The following GRIN2A variants were observed in gnomAD, a reference collection of about 807,000 sequenced individuals.
The protein encoded by GRIN2A is glutamate ionotropic receptor NMDA type subunit 2A.
In GRIN2A, 22 loss-of-function variants were observed where a neutral mutation model predicts 113.4. That is an observed-to-expected ratio of 0.19 (90% confidence interval 0.14 to 0.28). The LOEUF is 0.28. Among genes scored for constraint, GRIN2A ranks in the 10% least tolerant of loss-of-function variants. The pLI is 1.00. For synonymous variants in GRIN2A, 827 were observed against 738.4 expected (o/e 1.12, Z -1.94); for missense variants, 1,502 against 1,887.0 (o/e 0.80, Z 3.78).
intron 2 of GRIN2A, among the ~76,000 whole-genome samples, chr16:10,038,138 T>C (rs1277536951): frequency 6.6e-6 from 1 of 152,180 alleles, no homozygotes; most frequent in African/African-American, 2.4e-5. Flanking sequence ...GGTGCCAGCA[T>C]ATTCGGTGTC....
Position 10,075,529 on chromosome 16 carries a change from T to G in GRIN2A, c.414+104469A>C, listed in dbSNP as rs533391490. On this transcript the variant is annotated intron_variant, in intron 2 of 12. Coordinates refer to ENST00000330684, the MANE Select transcript of GRIN2A (RefSeq NM_001134407.3). The stretch of plus-strand genomic sequence containing the variant: ...TTCTGGAGATGGATACTGATGATGA[T>G]TGCACAACAATGTGAATGTACTTAA... 2.0e-5 allele frequency among the ~76,000 whole-genome samples: 3 copies of G among 152,136 alleles called. No homozygotes were observed. In the East Asian group the frequency reaches 5.8e-4, roughly 29 times the overall value.
chr16:10,106,176 T>C (rs1208936555), intron 2 of GRIN2A, among the ~76,000 whole-genome samples: 6 of 147,830 alleles, frequency 4.1e-5, no homozygotes, highest in African/African-American at 1.5e-4. Flanking sequence ...ACCATTCTTA[T>C]AAGTGAAAGA....
intron 2 of GRIN2A, among the ~76,000 whole-genome samples, chr16:10,092,861 CTTTTTTT>C (rs33949885): frequency 7.0e-6 from 1 of 142,520 alleles, no homozygotes; most frequent in East Asian, 2.0e-4. Context: ...TGAAAAGTTG[CTTTTTTT>C]TTTTTTTTTT....
At chr16:10,018,852 G>T (rs1004564564) in intron 2 of GRIN2A, among the ~76,000 whole-genome samples, 1 of 152,154 alleles carries the variant, frequency 6.6e-6, no homozygotes, top group Non-Finnish European at 1.5e-5. Context: ...ATTGTCATAA[G>T]CAAGAATGCC....
At chr16:10,146,098 G>A (rs1330894459) in intron 2 of GRIN2A, among the ~76,000 whole-genome samples, 1 of 152,124 alleles carries the variant, frequency 6.6e-6, no homozygotes, top group Non-Finnish European at 1.5e-5. Flanking sequence ...GAGCACGGAT[G>A]CATATCCACT....
At chr16:10,158,411 C>T (rs570882644) in intron 2 of GRIN2A, among the ~76,000 whole-genome samples, 7 of 152,314 alleles carry the variant, frequency 4.6e-5, no homozygotes, top group African/African-American at 1.7e-4. Context: ...AGCAGTTTCA[C>T]TCTTGGGTAT....
chr16:9,967,221 A>T (rs545433311), intron 2 of GRIN2A, among the ~76,000 whole-genome samples: 1 of 152,244 alleles, frequency 6.6e-6, no homozygotes, highest in Non-Finnish European at 1.5e-5. Flanking sequence ...TGAGTGGATC[A>T]AGAAAATGTG....
chr16:10,095,896 G>T (rs983164525), intron 2 of GRIN2A, among the ~76,000 whole-genome samples: 1 of 152,066 alleles, frequency 6.6e-6, no homozygotes, highest in African/African-American at 2.4e-5. Flanking sequence ...AAGAAATAGG[G>T]CAAAATGTAA....
At chr16:10,044,022 T>TATATATATATATATATAGAG (rs531659457) in intron 2 of GRIN2A, among the ~76,000 whole-genome samples, 13 of 107,988 alleles carry the variant, frequency 1.2e-4, no homozygotes, top group Non-Finnish European at 2.3e-4. Context: ...TATATATATA[T>TATATATATATATATATAGAG]AGAGAGAGAG....
intron 2 of GRIN2A, among the ~76,000 whole-genome samples, chr16:9,982,506 T>G (rs77819807): frequency 0.011 from 1,649 of 152,334 alleles, 39 homozygotes; most frequent in African/African-American, 0.037. Context: ...GAGGAAGAAC[T>G]GATACAAGAA....
At chr16:9,987,398 G>A (rs926103351) in intron 2 of GRIN2A, among the ~76,000 whole-genome samples, 1 of 152,170 alleles carries the variant, frequency 6.6e-6, no homozygotes, top group Non-Finnish European at 1.5e-5. Flanking sequence ...CTAGAATAAT[G>A]TTGTTTTCTT....
chr16:10,179,989 C>T lies in GRIN2A; in HGVS notation c.414+9G>A, dbSNP rs755529184. The T allele has an allele frequency of 1.2e-6, 2 of 1,613,000 alleles. No homozygotes were observed. Among genetic ancestry groups the T allele is most frequent in the Non-Finnish European group, 1.7e-6 (2 of 1,179,178 alleles). On this transcript the variant is annotated intron_variant, in intron 2 of 12. Transcript: ENST00000330684. Reference sequence around the variant, plus strand: ...CAGGTCCTGGCAGGGCATCAGTTTCCGGCCTTACCTTGTCAGCCATGATCA... The same window carrying T: ...CAGGTCCTGGCAGGGCATCAGTTTCTGGCCTTACCTTGTCAGCCATGATCA...
At chr16:9,870,105 C>T (rs2043230507) in intron 4 of GRIN2A, among the ~76,000 whole-genome samples, 1 of 152,144 alleles carries the variant, frequency 6.6e-6, no homozygotes, top group East Asian at 1.9e-4. Flanking sequence ...AAAATATCAT[C>T]TGTTAATATA....
At chr16:10,037,861 C>T (rs2047063847) in intron 2 of GRIN2A, among the ~76,000 whole-genome samples, 1 of 152,154 alleles carries the variant, frequency 6.6e-6, no homozygotes. Flanking sequence ...TCAAGCAATC[C>T]TCTTGTCTCA....
intron 2 of GRIN2A, among the ~76,000 whole-genome samples, chr16:9,989,219 C>T (rs1304822571): frequency 6.6e-6 from 1 of 152,046 alleles, no homozygotes; most frequent in South Asian, 2.1e-4. Context: ...AGAATACAGA[C>T]CCCCTAAAAT....
At chr16:9,819,434 T>C (rs1244426188) in intron 10 of GRIN2A, among the ~76,000 whole-genome samples, 2 of 151,668 alleles carry the variant, frequency 1.3e-5, no homozygotes, top group Non-Finnish European at 2.9e-5. Flanking sequence ...GGTGGGATGA[T>C]TACCTGAGCC....
intron 5 of GRIN2A, among the ~76,000 whole-genome samples, chr16:9,848,155 AAT>A (rs777330410): frequency 2.0e-4 from 29 of 148,504 alleles, no homozygotes; most frequent in Non-Finnish European, 2.8e-4. Flanking sequence ...AATATGTAAA[AAT>A]ATATGTTTTA....
At chr16:10,055,046 T>TAAAAAAAAAAAAAAA (rs1567266287) in intron 2 of GRIN2A, among the ~76,000 whole-genome samples, 13 of 12,486 alleles carry the variant, frequency 1.0e-3, no homozygotes, top group Admixed American at 1.7e-3. Context: ...AGACTCTATC[T>TAAAAAAAAAAAAAAA]CAAAAAAAAA....
intron 11 of GRIN2A, among the ~76,000 whole-genome samples, chr16:9,773,660 T>C (rs1440784872): frequency 6.6e-6 from 1 of 152,194 alleles, no homozygotes; most frequent in African/African-American, 2.4e-5. Context: ...CCCTCTCCTT[T>C]TGTGTTTCCA....
Sources: allele counts gnomAD v4.1 joint callset (sites outside exome capture counted in the v4.1 genomes callset), GRCh38; gene constraint gnomAD v4.1.1; transcripts MANE v1.5; gene names NCBI Gene and HGNC (gene_info 2026-07-23, HGNC 2026-07-21).